ZNF804B: variants seen among roughly 807,000 people sequenced by gnomAD.
ZNF804B encodes the protein zinc finger protein 804B, also known as zinc finger 804B.
In ZNF804B, 80 loss-of-function variants were observed where a neutral mutation model predicts 101.4. That is an observed-to-expected ratio of 0.79 (90% CI 0.66 to 0.95). The LOEUF (loss-of-function observed/expected upper bound fraction) is 0.95. ZNF804B is among the 40% of genes least tolerant of loss of function. ZNF804B has a pLI of 0.00. For missense variants in ZNF804B, 1,673 were observed against 1,561.9 expected, an observed-to-expected ratio of 1.07 and a Z score of -1.20; for synonymous variants, 622 against 558.8, an observed-to-expected ratio of 1.11 and a Z score of -1.59.
chr7:89,055,833 T>C (rs935625109), intron 1 of ZNF804B, among the ~76,000 whole-genome samples: 1 of 152,050 alleles, frequency 6.6e-6, no homozygotes, highest in Non-Finnish European at 1.5e-5. Context: ...TGTATAATTA[T>C]GCAGATTCAT....
intron 1 of ZNF804B, among the ~76,000 whole-genome samples, chr7:89,091,792 A>C (rs1477816242): frequency 6.6e-6 from 1 of 152,140 alleles, no homozygotes; most frequent in Non-Finnish European, 1.5e-5. Context: ...TTGGTGAATG[A>C]GTGATACTAT....
intron 1 of ZNF804B, among the ~76,000 whole-genome samples, chr7:89,100,562 T>A (rs764584322): frequency 6.6e-6 from 1 of 151,902 alleles, no homozygotes; most frequent in Non-Finnish European, 1.5e-5. Flanking sequence ...GCAAACTATC[T>A]CTCTGACAAA....
chr7:89,210,637 G>T (rs1258623881), intron 1 of ZNF804B, among the ~76,000 whole-genome samples: 2 of 152,088 alleles, frequency 1.3e-5, no homozygotes, highest in Non-Finnish European at 2.9e-5. Flanking sequence ...GAGGATAATG[G>T]CTTCCACTCC....
intron 2 of ZNF804B, among the ~76,000 whole-genome samples, chr7:89,282,343 C>T (rs913187301): frequency 2.0e-5 from 3 of 151,884 alleles, no homozygotes; most frequent in Non-Finnish European, 4.4e-5. Context: ...CAAATATCAT[C>T]AACACAGAGA....
intron 1 of ZNF804B, among the ~76,000 whole-genome samples, chr7:89,007,382 G>T (rs971938794): frequency 7.0e-6 from 1 of 142,540 alleles, no homozygotes; most frequent in Non-Finnish European, 1.5e-5. Flanking sequence ...TGGGTTTTCC[G>T]GGTTCAGGAA....
At chr7:88,898,776 T>C (rs1174750877) in intron 1 of ZNF804B, among the ~76,000 whole-genome samples, 1 of 152,312 alleles carries the variant, frequency 6.6e-6, no homozygotes, top group South Asian at 2.1e-4. Context: ...GGCCTGGTGC[T>C]TGTTTGCTCT....
At chr7:89,293,930 T>A (rs1432601918) in intron 2 of ZNF804B, among the ~76,000 whole-genome samples, 4 of 152,276 alleles carry the variant, frequency 2.6e-5, no homozygotes, top group Non-Finnish European at 5.9e-5. Flanking sequence ...TTAATTTTAA[T>A]TAAAATTGTT....
At chr7:89,259,717 T>A (rs1789683177) in intron 2 of ZNF804B, among the ~76,000 whole-genome samples, 1 of 152,120 alleles carries the variant, frequency 6.6e-6, no homozygotes, top group Admixed American at 6.5e-5. Context: ...AGAAAGGCAG[T>A]CCTGTATTGG....
intron 1 of ZNF804B, among the ~76,000 whole-genome samples, chr7:89,080,541 A>G (rs1789681723): frequency 1.3e-5 from 2 of 151,832 alleles, no homozygotes; most frequent in Admixed American, 1.3e-4. Context: ...TATTTATATG[A>G]TTTTGATTAG....
chr7:88,780,020 T>G (rs1253842092), intron 1 of ZNF804B, among the ~76,000 whole-genome samples: 1 of 152,128 alleles, frequency 6.6e-6, no homozygotes, highest in Non-Finnish European at 1.5e-5. Flanking sequence ...AAAGTAAAAT[T>G]TGGGTATATA....
Position 89,043,931 on chromosome 7 carries a change from A to C in ZNF804B, c.109-174224A>C, listed in dbSNP as rs184343439. ...GTAAGTTAATAGAAAAGAAAACATC[A>C]AAAGAGTACATTCTAAAGAATTTAT... On this transcript the variant is annotated intron_variant, in intron 1 of 3. Transcript: ENST00000333190. Among the ~76,000 whole-genome samples, 350 of 152,338 alleles carry C rather than the reference A, an allele frequency of 2.3e-3. 3 individuals are homozygous for C. Among genetic ancestry groups the C allele is most frequent in the African/African-American group, 8.1e-3 (335 of 41,586 alleles).
At position 89,099,093 on chromosome 7, in the gene ZNF804B, CACACACACACAT is replaced by C. The variant is rs1466371307; in HGVS notation, c.109-119051_109-119040del. Reference sequence around the variant, plus strand: ...TATTTGAATAACATATATTCACACACACACACACACATACACACACACCTTAAAGGTGGCATG... The same window carrying C: ...TATTTGAATAACATATATTCACACACACACACACACCTTAAAGGTGGCATG... On this transcript the variant is annotated intron_variant, in intron 1 of 3. Coordinates refer to ENST00000333190, the MANE Select transcript of ZNF804B (RefSeq NM_181646.5). Among the ~76,000 whole-genome samples the C allele has an allele frequency of 1.0e-4, 15 of 149,452 alleles. No individual in the cohort carries two copies. In the South Asian group the frequency reaches 3.1e-3, roughly 31 times the overall value.
intron 1 of ZNF804B, among the ~76,000 whole-genome samples, chr7:88,851,201 G>A (rs965423632): frequency 1.3e-5 from 2 of 152,020 alleles, no homozygotes; most frequent in African/African-American, 4.8e-5. Flanking sequence ...GCCTGAAGAA[G>A]GAGTAGGGCA....
intron 1 of ZNF804B, among the ~76,000 whole-genome samples, chr7:89,015,785 C>T (rs1041437612): frequency 6.0e-4 from 91 of 152,106 alleles, no homozygotes; most frequent in African/African-American, 2.1e-3. Context: ...TGAATAGTGC[C>T]GCAATAAACA....
intron 1 of ZNF804B, among the ~76,000 whole-genome samples, chr7:89,184,708 C>T (rs1788349642): frequency 6.6e-6 from 1 of 152,080 alleles, no homozygotes; most frequent in African/African-American, 2.4e-5. Flanking sequence ...CACCTTTTAT[C>T]ATTTTTAGGA....
intron 2 of ZNF804B, among the ~76,000 whole-genome samples, chr7:89,254,137 T>G (rs1789588342): frequency 6.6e-6 from 1 of 152,126 alleles, no homozygotes; most frequent in Non-Finnish European, 1.5e-5. Context: ...GCATTGACGG[T>G]TCTAGCTAGT....
At chr7:89,106,790 C>G (rs1240025278) in intron 1 of ZNF804B, among the ~76,000 whole-genome samples, 1 of 151,964 alleles carries the variant, frequency 6.6e-6, no homozygotes, top group African/African-American at 2.4e-5. Flanking sequence ...AAAAACAAGA[C>G]CAAGCTAATA....
chr7:89,221,457 G>A (rs1336989330), intron 2 of ZNF804B, among the ~76,000 whole-genome samples: 1 of 144,628 alleles, frequency 6.9e-6, no homozygotes, highest in African/African-American at 2.5e-5. Context: ...AGGTGAGATG[G>A]CATTCTTGTC....
chr7:89,013,079 T>C (rs1055975356), intron 1 of ZNF804B, among the ~76,000 whole-genome samples: 8 of 152,064 alleles, frequency 5.3e-5, no homozygotes, highest in African/African-American at 1.4e-4. Flanking sequence ...GATGACACCA[T>C]AGGGGAACCG....
Sources: allele counts gnomAD v4.1 joint callset (sites outside exome capture counted in the v4.1 genomes callset), GRCh38; gene constraint gnomAD v4.1.1; transcripts MANE v1.5; gene names NCBI Gene and HGNC (gene_info 2026-07-23, HGNC 2026-07-21).